NLRC3: variants seen among roughly 807,000 people sequenced by gnomAD.
The protein encoded by NLRC3 is NLR family CARD domain containing 3.
In NLRC3, 87 loss-of-function variants were observed where a neutral mutation model predicts 91.6. That is an observed-to-expected ratio of 0.95 (90% CI 0.80 to 1.14). NLRC3 has a LOEUF of 1.14. Among genes scored for constraint, NLRC3 ranks in the 50% most tolerant of loss-of-function variants. The pLI, the probability that NLRC3 is intolerant of heterozygous loss-of-function variation, is 0.00. For missense variants in NLRC3, 1,577 were observed against 1,418.6 expected (o/e 1.11, Z -1.79); for synonymous variants, 694 against 625.3 (o/e 1.11, Z -1.64).
At chr16:3,566,219 G>C (rs944110238) in intron 2 of NLRC3, among the ~76,000 whole-genome samples, 3 of 151,916 alleles carry the variant, frequency 2.0e-5, no homozygotes, top group Non-Finnish European at 4.4e-5. Flanking sequence ...ACTGTGGCAG[G>C]GGACGGTGAT....
chr16:3,565,163 C>T (rs2039824056), intron 3 of NLRC3, 103 bp from the exon 4 acceptor site: 1 of 878,968 alleles, frequency 1.1e-6, no homozygotes, highest in East Asian at 2.6e-5. Context: ...TCCCCTCTTC[C>T]TCTTTCCTCA....
At chr16:3,556,849 TGAGGA>T in intron 8 of NLRC3, 57 bp downstream of exon 8, 1 of 1,155,506 alleles carries the variant, frequency 8.7e-7, no homozygotes, top group East Asian at 2.4e-5. Context: ...AGGTGGTGCC[TGAGGA>T]GAGGGTTTTC....
intron 1 of NLRC3, among the ~76,000 whole-genome samples, chr16:3,570,115 C>G (rs1380023973): frequency 6.6e-6 from 1 of 152,118 alleles, no homozygotes; most frequent in Non-Finnish European, 1.5e-5. Context: ...CAATTCCTCA[C>G]TGACACCAGT....
At chr16:3,542,328 C>T in intron 18 of NLRC3, 54 bp from the exon 19 acceptor site, 2 of 1,124,212 alleles carry the variant, frequency 1.8e-6, no homozygotes, top group East Asian at 2.6e-5. Flanking sequence ...AGAAGGAAAA[C>T]ACCCGGGGAA....
Position 3,548,687 on chromosome 16 carries a change from G to A in NLRC3, c.2670C>T (p.Arg890=), listed in dbSNP as rs756521218. 3 of 1,592,760 alleles carry A rather than the reference G, an allele frequency of 1.9e-6. No homozygotes were observed. Among genetic ancestry groups the A allele is most frequent in the Admixed American group, 3.5e-5 (2 of 56,738 alleles). ...AGACTCACTGAAGGGAGGTGAGGGT[G>A]CGGTTTTCTCTCACTGCCACTGCGA... ...RAIAVAVREN[R]TLTSLHLQWN... The change falls in exon 14 of 20, where the codon CGC becomes CGT. Residue 890 remains arginine, a synonymous_variant. Transcript: ENST00000359128.
chr16:3,557,037 A>T, intron 7 of NLRC3, 43 bp from the exon 8 acceptor site: 1 of 1,369,556 alleles, frequency 7.3e-7, no homozygotes, highest in Non-Finnish European at 1.0e-6. Context: ...TCTGTCTCCC[A>T]GAGAGGGAAG....
intron 1 of NLRC3, among the ~76,000 whole-genome samples, chr16:3,573,425 T>TCACA (rs141606063): frequency 3.9e-5 from 6 of 152,028 alleles, no homozygotes; most frequent in Admixed American, 3.3e-4. Flanking sequence ...AGACCCTGTC[T>TCACA]CACACACACA....
rs527343234 is a variant in NLRC3, at chr16:3,542,485, A to G, written c.3023+207T>C. 9.2e-5 allele frequency among the ~76,000 whole-genome samples: 14 copies of G among 152,334 alleles called. No homozygotes were observed. In the East Asian group the frequency reaches 2.7e-3, roughly 29 times the overall value. ...AGTGCGCTGGAGGATGTAAGGCCAT[A>G]AATGCAAGATGTGAGTGACTTCTGA... On this transcript the variant is annotated intron_variant, in intron 18 of 19. Transcript: ENST00000359128.
intron 10 of NLRC3, among the ~76,000 whole-genome samples, chr16:3,551,577 A>G (rs374212602): frequency 1.2e-4 from 18 of 149,588 alleles, no homozygotes; most frequent in South Asian, 6.4e-4. Context: ...CCACCCATCA[A>G]TGCATCCATT....
At chr16:3,555,583 T>G (rs1291107769) in intron 8 of NLRC3, among the ~76,000 whole-genome samples, 1 of 152,096 alleles carries the variant, frequency 6.6e-6, no homozygotes, top group Admixed American at 6.6e-5. Context: ...AGTCAGGGTT[T>G]TTTTTAGACA....
intron 1 of NLRC3, among the ~76,000 whole-genome samples, chr16:3,569,560 G>A (rs2040024850): frequency 6.6e-6 from 1 of 151,154 alleles, no homozygotes; most frequent in Admixed American, 6.6e-5. Context: ...CACCATGCCT[G>A]GCTAATTTTT....
At chr16:3,544,474 C>T in intron 15 of NLRC3, 145 bp from the exon 16 acceptor site, 6 of 638,344 alleles carry the variant, frequency 9.4e-6, no homozygotes, top group South Asian at 8.9e-5. Flanking sequence ...TGCCCTTCCT[C>T]CACAGGCCCT....
intron 1 of NLRC3, among the ~76,000 whole-genome samples, chr16:3,569,391 TA>T (rs1326302804): frequency 0.024 from 2,187 of 90,420 alleles, 51 homozygotes; most frequent in Non-Finnish European, 0.034. Flanking sequence ...TATATATATA[TA>T]TATTATTTTT....
rs751427481 is a variant in NLRC3 at position 3,550,436 on chromosome 16, T to C, written c.2413A>G (p.Asn805Asp). 2 of 1,612,190 alleles carry C rather than the reference T, an allele frequency of 1.2e-6. No homozygotes were observed. Among genetic ancestry groups the C allele is most frequent in the East Asian group, 4.5e-5 (2 of 44,876 alleles). Residue 805 changes from asparagine to aspartate, a missense_variant, in exon 11 of 20, where the codon AAC becomes GAC. Coordinates refer to ENST00000359128, the MANE Select transcript of NLRC3 (RefSeq NM_178844.4). ...CACTCCAGGCTCTCCAGGCCCTGGT[T>C]CACCTTCAGGGCCTCAGCCAGGGCC... Reference protein sequence around the residue: ...AKALAEALKVNQGLESLDLQS... With the variant: ...AKALAEALKVDQGLESLDLQS...
chr16:3,552,056 TCCATCCATCCACCCAC>T (rs2039043760), intron 10 of NLRC3, 124 bp downstream of exon 10: 4 of 608,824 alleles, frequency 6.6e-6, no homozygotes, highest in Non-Finnish European at 1.2e-5. Flanking sequence ...TAGTCACCCA[TCCATCCATCCACCCAC>T]CCATCCATCC....
Position 3,565,014 on chromosome 16 carries a change from G to A in NLRC3, c.23C>T (p.Thr8Met), listed in dbSNP as rs529379655. Residue 8 changes from threonine (T) to methionine (M), a missense_variant, in exon 4 of 20, where the codon ACG (threonine) becomes ATG (methionine). Thr to Met is a moderately conservative substitution (Grantham distance 81). Coordinates refer to ENST00000359128, the MANE Select transcript of NLRC3 (RefSeq NM_178844.4). ...GTGGCCCTGGCCGGCCTCCCTGCCC[G>A]TCCGCACCTCTTGCTTCCTCATGGA... MRKQEVR[T>M]GREAGQGHGT... 2.3e-5 allele frequency: 37 copies of A among 1,610,004 alleles called. No homozygotes were observed. In the African/African-American group the frequency reaches 2.8e-4, roughly 12 times the overall value.
rs750247613 is a variant in NLRC3 at position 3,541,779 on chromosome 16, G to C, written c.*46C>G. 3 of 1,346,776 alleles carry C rather than the reference G, an allele frequency of 2.2e-6. No homozygotes were observed. Among genetic ancestry groups the C allele is most frequent in the East Asian group, 4.7e-5 (2 of 42,706 alleles). The allele number at this position is 1,346,776 out of a possible 1,614,324, so 83.4% of individuals were successfully genotyped here. A position where few individuals can be genotyped will look rare whatever the true frequency, so the allele number is the denominator to read the frequency against. ...CAGAAGTCGGCCTTTCTGTTCAAAAGCTTCCAGCTGAGCATCTGCCCATTC... is the reference window on the plus strand; with the variant it reads ...CAGAAGTCGGCCTTTCTGTTCAAAACCTTCCAGCTGAGCATCTGCCCATTC... On this transcript the variant is annotated 3_prime_UTR_variant, in exon 20 of 20. Coordinates refer to ENST00000359128, the MANE Select transcript of NLRC3 (RefSeq NM_178844.4).
chr16:3,543,370 A>G, intron 17 of NLRC3, 55 bp downstream of exon 17: 1 of 1,218,030 alleles, frequency 8.2e-7, no homozygotes, highest in Non-Finnish European at 1.2e-6. Context: ...CTATTCATTG[A>G]GAATTCATTG....
intron 13 of NLRC3, 130 bp from the exon 14 acceptor site, chr16:3,548,883 C>T (rs1284580542): frequency 1.9e-5 from 13 of 693,218 alleles, no homozygotes; most frequent in Admixed American, 8.0e-5. Flanking sequence ...CCTGGGGATA[C>T]GTTGCCCAAT....
Sources: gnomAD v4.1 joint callset for allele counts (sites outside exome capture counted in the v4.1 genomes callset) on GRCh38, gnomAD v4.1.1 for gene constraint, MANE v1.5 for transcripts, NCBI Gene and HGNC (gene_info 2026-07-23, HGNC 2026-07-21) for gene names.